Variants in EPM2A observed in about 807,000 individuals in gnomAD.
The protein encoded by EPM2A is laforin.
In EPM2A, 21 loss-of-function variants were observed where a neutral mutation model predicts 26.5. The observed-to-expected ratio is 0.79, with a 90% CI of 0.56 to 1.14. EPM2A has a LOEUF of 1.14. EPM2A is among the 50% of genes most tolerant of loss of function. The probability of loss-of-function intolerance (pLI) is 0.00; values close to 1 mark genes in which losing one functional copy is unlikely to be tolerated. For synonymous variants in EPM2A, 217 were observed against 177.6 expected (o/e 1.22, Z -1.76); for missense variants, 458 against 440.8 (o/e 1.04, Z -0.35).
intron 4 of EPM2A, chr6:145,492,087 C>A (rs1436921896): frequency 3.2e-5 from 8 of 251,040 alleles, no homozygotes; most frequent in Non-Finnish European, 6.2e-5. Context: ...TCTCTTCAAC[C>A]TCCATGGCCA....
intron 2 of EPM2A, chr6:145,640,341 T>A (rs769487444): frequency 6.6e-6 from 1 of 152,174 alleles, no homozygotes; most frequent in Non-Finnish European, 1.5e-5. Flanking sequence ...AATGGCAGAA[T>A]AACCTTTTCC....
intron 2 of EPM2A, among the ~76,000 whole-genome samples, chr6:145,683,542 G>A (rs769367403): frequency 7.9e-5 from 12 of 152,112 alleles, no homozygotes; most frequent in Non-Finnish European, 1.3e-4. Context: ...AGAAACGTAC[G>A]CTTTCTTGCA....
At position 145,661,508 on chromosome 6, in the gene EPM2A, C is replaced by A. The variant is rs373803511; in HGVS notation, c.476+24614G>T. Among the ~76,000 whole-genome samples the A allele has an allele frequency of 9.9e-4, 150 of 152,252 alleles. 1 individual carries two copies. Among genetic ancestry groups the A allele is most frequent in the African/African-American group, 3.4e-3 (143 of 41,532 alleles). ...CACCTTTGTGATTAAAAACAAACACCATCTAATTTCACTTTATTTAAGCTG... is the reference window on the plus strand; with the variant it reads ...CACCTTTGTGATTAAAAACAAACACAATCTAATTTCACTTTATTTAAGCTG... On this transcript the variant is annotated intron_variant, in intron 2 of 3. Coordinates refer to ENST00000367519, the MANE Select transcript of EPM2A (RefSeq NM_005670.4).
downstream of EPM2A, among the ~76,000 whole-genome samples, chr6:145,497,651 G>A (rs2114747505): frequency 6.6e-6 from 1 of 152,216 alleles, no homozygotes; most frequent in East Asian, 1.9e-4. Flanking sequence ...CTAAGTTGCT[G>A]AAACAGCAAA....
intron 2 of EPM2A, among the ~76,000 whole-genome samples, chr6:145,612,317 G>A (rs1302347678): frequency 2.0e-5 from 3 of 152,048 alleles, no homozygotes; most frequent in Non-Finnish European, 2.9e-5. Context: ...AGATAAATGG[G>A]TAAAATGGGT....
intron 2 of EPM2A, among the ~76,000 whole-genome samples, chr6:145,619,677 C>A (rs1192865076): frequency 6.6e-6 from 1 of 151,906 alleles, no homozygotes; most frequent in African/African-American, 2.4e-5. Flanking sequence ...AAGATTATGT[C>A]CCCACCAACA....
intron 4 of EPM2A, among the ~76,000 whole-genome samples, chr6:145,430,798 T>G (rs1027119586): frequency 2.6e-5 from 4 of 152,160 alleles, no homozygotes; most frequent in Non-Finnish European, 5.9e-5. Context: ...CCAAAATTAC[T>G]TTCAGATTAA....
At chr6:145,562,082 A>G (rs1431969321) in intron 2 of EPM2A, among the ~76,000 whole-genome samples, 6 of 133,738 alleles carry the variant, frequency 4.5e-5, no homozygotes, top group African/African-American at 1.3e-4. Context: ...TACATTTTTG[A>G]AGAAAAAAAT....
At chr6:145,429,707 A>T (rs1188931463) in intron 4 of EPM2A, among the ~76,000 whole-genome samples, 1 of 152,220 alleles carries the variant, frequency 6.6e-6, no homozygotes, top group African/African-American at 2.4e-5. Context: ...AGGATCTCTT[A>T]TAGAAATTGT....
At chr6:145,617,467 A>G (rs1775541327) in intron 2 of EPM2A, among the ~76,000 whole-genome samples, 2 of 152,234 alleles carry the variant, frequency 1.3e-5, no homozygotes, top group South Asian at 4.1e-4. Context: ...GCTTTAATAT[A>G]ACTAAATACT....
intron 2 of EPM2A, among the ~76,000 whole-genome samples, chr6:145,580,218 C>T (rs1483427919): frequency 1.3e-5 from 2 of 152,100 alleles, no homozygotes; most frequent in Non-Finnish European, 2.9e-5. Context: ...ATTTCATGTA[C>T]TATAAGGCTG....
intron 1 of EPM2A, among the ~76,000 whole-genome samples, chr6:145,729,521 T>G (rs1432895570): frequency 6.6e-6 from 1 of 152,206 alleles, no homozygotes; most frequent in Non-Finnish European, 1.5e-5. Flanking sequence ...AACTTTAAGA[T>G]TTTATGGCTG....
intron 2 of EPM2A, among the ~76,000 whole-genome samples, chr6:145,554,222 A>G (rs1230078075): frequency 4.6e-5 from 7 of 151,986 alleles, no homozygotes; most frequent in Admixed American, 6.6e-5. Context: ...GACACTTTCT[A>G]TGGTGAATAC....
chr6:145,573,450 C>G lies in EPM2A; in HGVS notation c.340+61795G>C, dbSNP rs567437459. Among the ~76,000 whole-genome samples the G allele has an allele frequency of 1.8e-4, 27 of 152,310 alleles. No individual in the cohort carries two copies. In the South Asian group the frequency reaches 1.9e-3, roughly 11 times the overall value. ...GCTACAGCAGCTGCAATTGGAGTCA[C>G]CACTTGGTTAAGCATACAATAATCC... On this transcript the variant is annotated intron_variant, in intron 2 of 3. Coordinates refer to the EPM2A transcript ENST00000450221.
At chr6:145,722,290 A>G (rs1775984638) in intron 1 of EPM2A, among the ~76,000 whole-genome samples, 1 of 152,226 alleles carries the variant, frequency 6.6e-6, no homozygotes, top group Non-Finnish European at 1.5e-5. Context: ...CATTAAATGA[A>G]TATTTATTTT....
At chr6:145,566,424 C>G (rs1301729450) in intron 2 of EPM2A, among the ~76,000 whole-genome samples, 2 of 152,158 alleles carry the variant, frequency 1.3e-5, no homozygotes, top group Non-Finnish European at 2.9e-5. Context: ...TGCACACCAC[C>G]TGTATCTTGA....
intron 1 of EPM2A, among the ~76,000 whole-genome samples, chr6:145,733,518 A>C (rs1373787954): frequency 6.6e-6 from 1 of 152,226 alleles, no homozygotes; most frequent in Admixed American, 6.5e-5. Flanking sequence ...CAACATAAGC[A>C]AACTATTAAC....
At chr6:145,522,138 G>A (rs1394201932) in intron 2 of EPM2A, among the ~76,000 whole-genome samples, 1 of 152,116 alleles carries the variant, frequency 6.6e-6, no homozygotes, top group Non-Finnish European at 1.5e-5. Flanking sequence ...ATTTTTAGAA[G>A]AGACGGGGTT....
chr6:145,453,281 T>C (rs1156670748), intron 4 of EPM2A, among the ~76,000 whole-genome samples: 1 of 152,186 alleles, frequency 6.6e-6, no homozygotes, highest in African/African-American at 2.4e-5. Flanking sequence ...GTACATGAGA[T>C]TAATCCCTGA....
Sources: allele counts gnomAD v4.1 joint callset (sites outside exome capture counted in the v4.1 genomes callset), GRCh38; gene constraint gnomAD v4.1.1; transcripts MANE v1.5; gene names NCBI Gene and HGNC (gene_info 2026-07-23, HGNC 2026-07-21).